The following SARDH variants were observed in gnomAD, a reference collection of about 807,000 sequenced individuals.
The protein encoded by SARDH is sarcosine dehydrogenase.
Under a neutral mutation model 109.1 loss-of-function variants are expected in SARDH, and 95 were observed. The ratio of observed to expected loss-of-function variants is 0.87; its 90% CI spans 0.74 to 1.03. The LOEUF is 1.03. Among genes scored for constraint, SARDH ranks in the 50% least tolerant of loss-of-function variants. The probability of loss-of-function intolerance (pLI) is 0.00; values close to 1 mark genes in which losing one functional copy is unlikely to be tolerated. For missense variants in SARDH, 1,267 were observed against 1,287.8 expected (o/e 0.98, Z 0.25); for synonymous variants, 572 against 534.8 (o/e 1.07, Z -0.96).
chr9:133,669,485 C>A (rs537341447), intron 19 of SARDH, among the ~76,000 whole-genome samples: 1 of 151,444 alleles, frequency 6.6e-6, no homozygotes, highest in South Asian at 2.1e-4. Context: ...TTCAGACCCC[C>A]GTGGGCACCA....
At chr9:133,687,781 G>A (rs961673030) in intron 16 of SARDH, among the ~76,000 whole-genome samples, 2 of 152,188 alleles carry the variant, frequency 1.3e-5, no homozygotes, top group South Asian at 2.1e-4. Context: ...GGTGTGCTGA[G>A]CACGTCCTGA....
At chr9:133,700,715 GCACACACACACACACGCACGCGCACA>G (rs1019782075) in intron 13 of SARDH, among the ~76,000 whole-genome samples, 3 of 139,306 alleles carry the variant, frequency 2.2e-5, no homozygotes, top group Admixed American at 7.3e-5. Context: ...TGTTTTCAAA[GCACACACACACACACGCACGCGCACA>G]CACACACACA....
chr9:133,690,665 G>C, intron 15 of SARDH, 138 bp from the exon 16 acceptor site: 1 of 969,898 alleles, frequency 1.0e-6, no homozygotes, highest in Non-Finnish European at 1.5e-6. Context: ...CCCAGGAACC[G>C]TATCTGTCCC....
chr9:133,689,531 C>A (rs529373084), intron 16 of SARDH, among the ~76,000 whole-genome samples: 1 of 152,146 alleles, frequency 6.6e-6, no homozygotes, highest in Admixed American at 6.5e-5. Context: ...GGGACGCATC[C>A]CCATCAGCCC....
chr9:133,705,053 G>T (rs1191842539), intron 11 of SARDH, 22 bp from the exon 12 acceptor site: 1 of 1,573,692 alleles, frequency 6.4e-7, no homozygotes, highest in Non-Finnish European at 8.6e-7. Flanking sequence ...TGGGGAACAG[G>T]CATCTGTCAC....
rs751273595 is a variant in SARDH, at chr9:133,663,854, T to A, written c.*35A>T. The A allele has an allele frequency of 1.2e-6, 2 of 1,611,904 alleles. No individual in the cohort carries two copies. The highest frequency in any genetic ancestry group is 3.3e-5 in the Admixed American group (2 of 59,926). ...GCCATTTGGGACCTGTGAGAATGGATGGACAGCATGGGATGGGGCATGTGG... is the reference window on the plus strand; with the variant it reads ...GCCATTTGGGACCTGTGAGAATGGAAGGACAGCATGGGATGGGGCATGTGG... On this transcript the variant is annotated 3_prime_UTR_variant, in exon 21 of 21. Transcript: ENST00000439388.
intron 6 of SARDH, 25 bp downstream of exon 6, chr9:133,729,740 A>G: frequency 1.2e-6 from 2 of 1,600,154 alleles, no homozygotes; most frequent in Non-Finnish European, 1.7e-6. Context: ...ACAGACTGAC[A>G]CAGAACCCGG....
chr9:133,713,574 G>GCCCAGCACAGGGTCAGAT (rs1286730808), intron 8 of SARDH, among the ~76,000 whole-genome samples: 1 of 152,264 alleles, frequency 6.6e-6, no homozygotes, highest in Non-Finnish European at 1.5e-5. Flanking sequence ...CAGGGTCAGA[G>GCCCAGCACAGGGTCAGAT]CCCAGCAAGT....
chr9:133,722,304 A>T (rs1292526531), intron 6 of SARDH, among the ~76,000 whole-genome samples: 1 of 44,586 alleles, frequency 2.2e-5, no homozygotes, highest in Non-Finnish European at 6.1e-5. Context: ...ATCTTTAATG[A>T]TTTTTTTTTT....
At chr9:133,711,514 C>G (rs1831918369) in intron 10 of SARDH, among the ~76,000 whole-genome samples, 1 of 152,192 alleles carries the variant, frequency 6.6e-6, no homozygotes, top group Non-Finnish European at 1.5e-5. Flanking sequence ...CAGACGGGCT[C>G]TGAGTCAGCC....
At chr9:133,684,589 C>T (rs1830816711) in intron 17 of SARDH, among the ~76,000 whole-genome samples, 1 of 152,136 alleles carries the variant, frequency 6.6e-6, no homozygotes, top group Non-Finnish European at 1.5e-5. Context: ...GAGGGAGCCT[C>T]CTGCCTGGGG....
chr9:133,731,060 T>A (rs961143652), intron 4 of SARDH, among the ~76,000 whole-genome samples: 5 of 152,210 alleles, frequency 3.3e-5, no homozygotes, highest in African/African-American at 1.2e-4. Context: ...GGGCTTTTGA[T>A]ACGATTTGCT....
At position 133,709,819 on chromosome 9, in the gene SARDH, C is replaced by T. The variant is rs888832996; in HGVS notation, c.1329-1391G>A. 1.3e-5 allele frequency among the ~76,000 whole-genome samples: 2 copies of T among 152,074 alleles called. No homozygotes were observed. Among genetic ancestry groups the T allele is most frequent in the South Asian group, 2.1e-4 (1 of 4,824 alleles). ...TTTCACGCAGGGGGAAACTGAGGCTCGGAAGGGTCTCACAAGTGTTCACAG... is the reference window on the plus strand; with the variant it reads ...TTTCACGCAGGGGGAAACTGAGGCTTGGAAGGGTCTCACAAGTGTTCACAG... On this transcript the variant is annotated intron_variant, in intron 10 of 20. Transcript: ENST00000439388. The surrounding 1 kb of genome is among the most constrained non-coding windows in gnomAD (Gnocchi z 4.2).
chr9:133,720,965 G>A (rs557352986), intron 6 of SARDH, among the ~76,000 whole-genome samples: 9 of 152,236 alleles, frequency 5.9e-5, no homozygotes, highest in East Asian at 3.9e-4. Context: ...ATCATCCAGC[G>A]ATTAGGCTAA....
intron 6 of SARDH, among the ~76,000 whole-genome samples, chr9:133,724,251 C>T (rs1377422239): frequency 6.6e-6 from 1 of 152,158 alleles, no homozygotes; most frequent in East Asian, 1.9e-4. Flanking sequence ...AGAAAATGTT[C>T]ATAAATCATA....
At chr9:133,722,556 AAAG>A (rs1454850191) in intron 6 of SARDH, among the ~76,000 whole-genome samples, 7 of 152,246 alleles carry the variant, frequency 4.6e-5, no homozygotes, top group Admixed American at 2.0e-4. Context: ...CCAGATTGAA[AAAG>A]AAGAAGTAAA....
intron 16 of SARDH, among the ~76,000 whole-genome samples, chr9:133,687,355 T>C (rs1830921343): frequency 6.6e-6 from 1 of 152,228 alleles, no homozygotes; most frequent in South Asian, 2.1e-4. Context: ...GCTGCAGCCT[T>C]GACCTCCTGG....
Position 133,666,209 on chromosome 9 carries a change from G to A in SARDH, c.2631+526C>T, listed in dbSNP as rs1452792250. Among the ~76,000 whole-genome samples, 3 of 152,066 alleles carry A rather than the reference G, an allele frequency of 2.0e-5. No individual in the cohort carries two copies. Among genetic ancestry groups the A allele is most frequent in the Non-Finnish European group, 4.4e-5 (3 of 68,002 alleles). On this transcript the variant is annotated intron_variant, in intron 20 of 20. Coordinates refer to ENST00000439388, the MANE Select transcript of SARDH (RefSeq NM_001134707.2). The surrounding 1 kb of genome is among the most constrained non-coding windows in gnomAD (Gnocchi z 5.2). Reference sequence around the variant, plus strand: ...GGGGTGTCGGGGGTGAGGAAAGAGAGGATAGGAACATGGGTCTCTGAGTCT... The same window carrying A: ...GGGGTGTCGGGGGTGAGGAAAGAGAAGATAGGAACATGGGTCTCTGAGTCT...
chr9:133,735,887 T>TACA (rs57356748), intron 1 of SARDH, among the ~76,000 whole-genome samples: 136,964 of 151,832 alleles, frequency 0.9, 62,312 homozygotes, highest in Non-Finnish European at 0.96. Context: ...CTACTAAAAA[T>TACA]ACATTAGCCG....
Sources: gnomAD v4.1 joint callset for allele counts (sites outside exome capture counted in the v4.1 genomes callset) on GRCh38, gnomAD v4.1.1 for gene constraint, Gnocchi (gnomAD v3.1) non-coding constraint, MANE v1.5 for transcripts, NCBI Gene and HGNC (gene_info 2026-07-23, HGNC 2026-07-21) for gene names.